CDCA8: variants seen among roughly 807,000 people sequenced by gnomAD.
CDCA8 encodes the protein borealin.
A neutral mutation model predicts 40.0 loss-of-function variants in CDCA8; 25 were observed. That is an observed-to-expected ratio of 0.63 (90% CI 0.46 to 0.87). The LOEUF (loss-of-function observed/expected upper bound fraction) is 0.87, where lower values mean the gene tolerates loss of function less well. Ranked by LOEUF, CDCA8 falls within the 40% of genes least tolerant of loss-of-function variation. CDCA8 has a pLI of 0.00. For missense variants in CDCA8, 280 were observed against 348.4 expected (o/e 0.80, Z 1.56); for synonymous variants, 111 against 126.5 (o/e 0.88, Z 0.82).
chr1:37,706,855 T>G (rs1452428719), intron 8 of CDCA8, 123 bp from the exon 9 acceptor site: 3 of 700,644 alleles, frequency 4.3e-6, no homozygotes, highest in Non-Finnish European at 7.7e-6. Context: ...ATATCCTTCC[T>G]GCCTGTCTTG....
chr1:37,693,056 G>T (rs1349326715), intron 2 of CDCA8, 23 bp downstream of exon 2: 6 of 1,611,960 alleles, frequency 3.7e-6, no homozygotes, highest in South Asian at 2.2e-5. Flanking sequence ...GAGCTTCCCT[G>T]GGCGGAGGCC....
Position 37,705,134 on chromosome 1 carries a change from C to A in CDCA8, c.585-307C>A, listed in dbSNP as rs566968830. On this transcript the variant is annotated intron_variant, in intron 7 of 9. Transcript: ENST00000373055. Reference sequence around the variant, plus strand: ...AGCAGCCACGCCTGGAAACAATTAACCAGCGTATTTCTGGCTTTGTGGATG... The same window carrying A: ...AGCAGCCACGCCTGGAAACAATTAAACAGCGTATTTCTGGCTTTGTGGATG... 1.2e-4 allele frequency among the ~76,000 whole-genome samples: 18 copies of A among 152,330 alleles called. No individual in the cohort carries two copies. The South Asian group carries it at 2.9e-3, about 25-fold the overall frequency.
At chr1:37,701,416 G>C (rs1306479839) in intron 5 of CDCA8, among the ~76,000 whole-genome samples, 1 of 152,158 alleles carries the variant, frequency 6.6e-6, no homozygotes, top group Non-Finnish European at 1.5e-5. Flanking sequence ...TGCAGGGTTT[G>C]CCTTTGATTG....
intron 5 of CDCA8, among the ~76,000 whole-genome samples, chr1:37,701,306 G>A (rs1025108552): frequency 6.6e-6 from 1 of 152,098 alleles, no homozygotes; most frequent in African/African-American, 2.4e-5. Flanking sequence ...TAGAGAAGCA[G>A]GAAAGACAGA....
At position 37,696,888 on chromosome 1, in the gene CDCA8, T is replaced by TA. The variant is rs1645530386; in HGVS notation, c.264+939dup. On this transcript the variant is annotated intron_variant, in intron 3 of 9. Transcript: ENST00000373055. This position sits in a 1 kb window ranked among gnomAD's most constrained non-coding sequence, Gnocchi z 5.0. The stretch of plus-strand genomic sequence containing the variant: ...AAGGTAAAGGTAATGAGGAGCCAAT[T>TA]ATCAATTTGGAAAAAATTGGAGCAT... Among the ~76,000 whole-genome samples, 1 of 152,212 alleles carries TA rather than the reference T, an allele frequency of 6.6e-6. No homozygotes were observed. The highest frequency in any genetic ancestry group is 2.4e-5 in the African/African-American group (1 of 41,446).
intron 5 of CDCA8, among the ~76,000 whole-genome samples, chr1:37,700,737 G>C (rs1372170359): frequency 6.6e-6 from 1 of 152,180 alleles, no homozygotes; most frequent in Non-Finnish European, 1.5e-5. Flanking sequence ...GACATAGACA[G>C]GCCTTTCAAG....
intron 2 of CDCA8, among the ~76,000 whole-genome samples, chr1:37,693,561 G>A (rs1645496411): frequency 6.6e-6 from 1 of 151,886 alleles, no homozygotes; most frequent in Non-Finnish European, 1.5e-5. Context: ...ACCATGCCCC[G>A]CTGATTTTTG....
At chr1:37,699,696 G>A (rs1645550767) in intron 4 of CDCA8, among the ~76,000 whole-genome samples, 1 of 152,154 alleles carries the variant, frequency 6.6e-6, no homozygotes, top group South Asian at 2.1e-4. Flanking sequence ...GAGGTGGGTG[G>A]ATCACGAGGT....
In CDCA8 at chr1:37,692,953, A is replaced by G. The variant is rs1488781095; in HGVS notation, c.143A>G (p.Lys48Arg). The G allele has an allele frequency of 1.2e-6, 2 of 1,614,030 alleles. No homozygotes were observed. Among genetic ancestry groups the G allele is most frequent in the African/African-American group, 1.3e-5 (1 of 74,926 alleles). Residue 48 changes from lysine to arginine, a missense_variant, in exon 2 of 10, where the codon AAG becomes AGG. Coordinates refer to ENST00000373055, the MANE Select transcript of CDCA8 (RefSeq NM_001256875.2). ...QIESDRQNLLKEVDNLYNIEI... is the reference protein window; with the variant it reads ...QIESDRQNLLREVDNLYNIEI... ...GAGTCAGACAGGCAGAACCTCCTCA[A>G]GGAGGTGGATAACCTCTACAACATC...
chr1:37,703,385 C>T, intron 7 of CDCA8, 38 bp downstream of exon 7: 1 of 1,407,362 alleles, frequency 7.1e-7, no homozygotes, highest in Non-Finnish European at 1.0e-6. Flanking sequence ...TGATGGGACT[C>T]CAACATTGAG....
At chr1:37,699,249 AAG>A (rs1491533643) in intron 4 of CDCA8, among the ~76,000 whole-genome samples, 2 of 152,186 alleles carry the variant, frequency 1.3e-5, no homozygotes, top group Non-Finnish European at 2.9e-5. Flanking sequence ...AAAGTGAAAA[AAG>A]GGGGGAAAAA....
rs776570068 is a variant in CDCA8, at chr1:37,705,532, G to A, written c.676G>A (p.Glu226Lys). ...GNGSPLADSK[E>K]IFLTVPVGGG... ...TGGCAGCCCTCTTGCTGACAGCAAA[G>A]AGATCTTCCTCACTGTGCCAGTGGG... The change falls in exon 8 of 10, where the codon GAG (glutamate) becomes AAG (lysine). Residue 226 changes from glutamate to lysine, a missense_variant. Transcript: ENST00000373055. The A allele has an allele frequency of 6.2e-7, 1 of 1,613,826 alleles. No homozygotes were observed. The highest frequency in any genetic ancestry group is 8.5e-7 in the Non-Finnish European group (1 of 1,180,040).
chr1:37,694,088 T>C (rs644852), intron 2 of CDCA8, among the ~76,000 whole-genome samples: 79,667 of 151,990 alleles, frequency 0.52, 21,548 homozygotes, highest in East Asian at 0.71. Flanking sequence ...TGCGGTGAGC[T>C]GAGAGCACGC....
chr1:37,703,169 C>G, intron 6 of CDCA8, 83 bp from the exon 7 acceptor site: 1 of 1,047,094 alleles, frequency 9.6e-7, no homozygotes, highest in Non-Finnish European at 1.5e-6. Context: ...ATCTCACAGT[C>G]AGCTCTCCAC....
intron 2 of CDCA8, among the ~76,000 whole-genome samples, chr1:37,694,409 C>T (rs1645513148): frequency 6.6e-6 from 1 of 152,200 alleles, no homozygotes; most frequent in Non-Finnish European, 1.5e-5. Flanking sequence ...AAATACTGAG[C>T]ATGTGTCAGT....
chr1:37,697,195 C>T (rs1645532631), intron 3 of CDCA8, among the ~76,000 whole-genome samples: 1 of 152,144 alleles, frequency 6.6e-6, no homozygotes, highest in Non-Finnish European at 1.5e-5. Context: ...TGTTGGGGCT[C>T]CCAAGACCAC....
chr1:37,707,093 G>C (rs770826926), intron 9 of CDCA8, 29 bp downstream of exon 9: 1 of 1,540,156 alleles, frequency 6.5e-7, no homozygotes, highest in Admixed American at 1.7e-5. Context: ...TCCACACATA[G>C]GATGCCTCCA....
intron 7 of CDCA8, among the ~76,000 whole-genome samples, chr1:37,704,755 C>T (rs965070344): frequency 6.9e-6 from 1 of 144,568 alleles, no homozygotes; most frequent in African/African-American, 2.6e-5. Flanking sequence ...TCAAGCAATT[C>T]TCCTGCCTCA....
chr1:37,701,619 A>T, intron 5 of CDCA8, 135 bp from the exon 6 acceptor site: 1 of 563,182 alleles, frequency 1.8e-6, no homozygotes, highest in Non-Finnish European at 3.1e-6. Flanking sequence ...TTGAATTCTG[A>T]GATACACCTT....
Sources: gnomAD v4.1 joint callset for allele counts (sites outside exome capture counted in the v4.1 genomes callset) on GRCh38, gnomAD v4.1.1 for gene constraint, Gnocchi (gnomAD v3.1) non-coding constraint, MANE v1.5 for transcripts, NCBI Gene and HGNC (gene_info 2026-07-23, HGNC 2026-07-21) for gene names.